The following MRPS25 variants were observed in gnomAD, a reference collection of about 807,000 sequenced individuals.
MRPS25 encodes small ribosomal subunit protein mS25.
Under a neutral mutation model 17.3 loss-of-function variants are expected in MRPS25, and 15 were observed. That is an observed-to-expected ratio of 0.87 (90% confidence interval 0.58 to 1.34). The LOEUF is 1.34. Ranked by LOEUF, MRPS25 falls within the 40% of genes most tolerant of loss-of-function variation. MRPS25 has a pLI of 0.00. For missense variants in MRPS25, 225 were observed against 218.6 expected, an observed-to-expected ratio of 1.03 and a Z score of -0.19; for synonymous variants, 94 against 83.3, an observed-to-expected ratio of 1.13 and a Z score of -0.70.
At chr3:15,062,611 T>C (rs1575073652) in intron 1 of MRPS25, among the ~76,000 whole-genome samples, 1 of 151,642 alleles carries the variant, frequency 6.6e-6, no homozygotes, top group African/African-American at 2.4e-5. Flanking sequence ...ACAATGGCAG[T>C]TTTGTGGAAT....
At chr3:15,059,643 C>T (rs546773050) in intron 1 of MRPS25, among the ~76,000 whole-genome samples, 168 bp from the exon 2 acceptor site, 34 of 152,212 alleles carry the variant, frequency 2.2e-4, no homozygotes, top group Middle Eastern at 3.4e-3. Context: ...CCCTGAATGG[C>T]GTGGGGACCC....
intron 1 of MRPS25, among the ~76,000 whole-genome samples, chr3:15,064,514 G>C (rs997697265): frequency 6.6e-6 from 1 of 152,204 alleles, no homozygotes; most frequent in Non-Finnish European, 1.5e-5. Flanking sequence ...ATGGTGTCTC[G>C]TGGAGCTGCA....
chr3:15,043,516 C>G (rs534155394), downstream of MRPS25: 4 of 152,838 alleles, frequency 2.6e-5, no homozygotes, highest in African/African-American at 9.6e-5. Context: ...TGCCGAAATG[C>G]TAATGATTTC....
chr3:15,056,975 C>T (rs2042680863), intron 2 of MRPS25, among the ~76,000 whole-genome samples: 1 of 152,186 alleles, frequency 6.6e-6, no homozygotes, highest in Admixed American at 6.5e-5. Context: ...TCAGGTATAC[C>T]CCCAGGAGGC....
intron 1 of MRPS25, among the ~76,000 whole-genome samples, chr3:15,060,665 G>A (rs1202694430): frequency 7.9e-5 from 12 of 152,166 alleles, no homozygotes; most frequent in African/African-American, 1.7e-4. Flanking sequence ...GGTGGATCAC[G>A]AGGTCAGGAG....
At position 15,049,710 on chromosome 3, in the gene MRPS25, C is replaced by T; in HGVS notation, c.*2731G>A. ...ACATATTCATTATGTCATCTGACCTCTCATGTTCCAGGTGAAAATTCTGAG... is the reference window on the plus strand; with the variant it reads ...ACATATTCATTATGTCATCTGACCTTTCATGTTCCAGGTGAAAATTCTGAG... On this transcript the variant is annotated 3_prime_UTR_variant, in exon 4 of 4. Transcript: ENST00000253686. 1.7e-6 allele frequency: 1 copy of T among 578,358 alleles called. No individual in the cohort carries two copies. The highest frequency in any genetic ancestry group is 2.2e-5 in the South Asian group (1 of 45,410). 35.8% of individuals were successfully genotyped at this position (578,358 alleles called of 1,614,324 possible). A position where few individuals can be genotyped will look rare whatever the true frequency, so the allele number is the denominator to read the frequency against.
At chr3:15,048,013 T>G (rs189107315), downstream of MRPS25, 280 of 152,692 alleles carry the variant, frequency 1.8e-3, 3 homozygotes, top group Non-Finnish European at 2.2e-3. Context: ...GGCCCAGCAG[T>G]AGTTGCTCAT....
chr3:15,062,670 G>C (rs977848893), intron 1 of MRPS25, among the ~76,000 whole-genome samples: 30 of 152,302 alleles, frequency 2.0e-4, no homozygotes, highest in African/African-American at 5.8e-4. Context: ...GATGGTTGCC[G>C]TGTCTGTGTG....
Position 15,055,984 on chromosome 3 carries a change from C to T in MRPS25, c.242-2517G>A, listed in dbSNP as rs192495617. Among the ~76,000 whole-genome samples the T allele has an allele frequency of 4.4e-3, 666 of 151,250 alleles. 1 individual carries two copies. The highest frequency in any genetic ancestry group is 0.015 in the African/African-American group (636 of 41,218). ...ATCCCAGCACTTTGGGAGGCCGAGGCGGGCGGATCACGAGGTCAGGAGATC... is the reference window on the plus strand; with the variant it reads ...ATCCCAGCACTTTGGGAGGCCGAGGTGGGCGGATCACGAGGTCAGGAGATC... On this transcript the variant is annotated intron_variant, in intron 2 of 3. Coordinates refer to ENST00000253686, the MANE Select transcript of MRPS25 (RefSeq NM_022497.5).
chr3:15,044,936 A>G (rs1351544054), downstream of MRPS25: 1 of 152,270 alleles, frequency 6.6e-6, no homozygotes, highest in Non-Finnish European at 1.5e-5. Context: ...ATATCATTTT[A>G]TAATTCTTGC....
downstream of MRPS25, chr3:15,044,455 T>G (rs1305041679): frequency 6.6e-6 from 1 of 152,182 alleles, no homozygotes; most frequent in Non-Finnish European, 1.5e-5. Context: ...AAGAACAGTA[T>G]GCGCTTAAAA....
chr3:15,055,796 C>G (rs963345661), intron 2 of MRPS25, among the ~76,000 whole-genome samples: 1 of 151,322 alleles, frequency 6.6e-6, no homozygotes, highest in East Asian at 1.9e-4. Context: ...AAAGACACCA[C>G]TAAGAAAATG....
At chr3:15,042,582 T>G (rs1030309542), downstream of MRPS25, 9 of 355,702 alleles carry the variant, frequency 2.5e-5, no homozygotes, top group Admixed American at 4.0e-4. Context: ...CTCTTGGTGG[T>G]GGGGGTGAGG....
At chr3:15,056,203 A>C (rs1054682894) in intron 2 of MRPS25, among the ~76,000 whole-genome samples, 2 of 151,564 alleles carry the variant, frequency 1.3e-5, no homozygotes, top group Non-Finnish European at 2.9e-5. Flanking sequence ...CGACAGAGCG[A>C]GACTCTGTCT....
At chr3:15,058,143 T>G (rs2042697557) in intron 2 of MRPS25, among the ~76,000 whole-genome samples, 1 of 152,082 alleles carries the variant, frequency 6.6e-6, no homozygotes, top group Non-Finnish European at 1.5e-5. Context: ...CCCAAAGTAC[T>G]GGGATTACAG....
At chr3:15,053,950 C>T (rs934158316) in intron 2 of MRPS25, among the ~76,000 whole-genome samples, 3 of 152,182 alleles carry the variant, frequency 2.0e-5, no homozygotes, top group Non-Finnish European at 2.9e-5. Flanking sequence ...ATAATCAAGA[C>T]AGTGTGGTAC....
chr3:15,056,260 G>C (rs2042672180), intron 2 of MRPS25, among the ~76,000 whole-genome samples: 1 of 151,958 alleles, frequency 6.6e-6, no homozygotes, highest in African/African-American at 2.4e-5. Context: ...ATAAATATCT[G>C]AGTGGCCAAT....
Position 15,049,144 on chromosome 3 carries a change from A to ATAGAG in MRPS25, c.*3292_*3296dup, listed in dbSNP as rs1272993587. 6.6e-6 allele frequency: 1 copy of ATAGAG among 152,650 alleles called. No homozygotes were observed. Among genetic ancestry groups the ATAGAG allele is most frequent in the Non-Finnish European group, 1.5e-5 (1 of 68,048 alleles). 9.5% of individuals were successfully genotyped at this position (152,650 alleles called of 1,614,324 possible). On this transcript the variant is annotated 3_prime_UTR_variant, in exon 4 of 4. Coordinates refer to ENST00000253686, the MANE Select transcript of MRPS25 (RefSeq NM_022497.5). ...AGAATTTGCATTGTTGTGTTTGTAT[A>ATAGAG]TAGAGTATTGCAGTGCATGAATTAG...
chr3:15,050,856 C>A lies in MRPS25; in HGVS notation c.*1585G>T. 1.0e-6 allele frequency: 1 copy of A among 985,372 alleles called. No homozygotes were observed. The highest frequency in any genetic ancestry group is 1.7e-5 in the African/African-American group (1 of 57,334). The allele number at this position is 985,372 out of a possible 1,614,324, so 61.0% of individuals were successfully genotyped here. The stretch of plus-strand genomic sequence containing the variant: ...ATCAAATGTAAAAGATCCAAATCTG[C>A]TCAATTTAATGTGATAATCTCCAAC... On this transcript the variant is annotated 3_prime_UTR_variant, in exon 4 of 4. Coordinates refer to ENST00000253686, the MANE Select transcript of MRPS25 (RefSeq NM_022497.5).
Sources: allele counts gnomAD v4.1 joint callset (sites outside exome capture counted in the v4.1 genomes callset), GRCh38; gene constraint gnomAD v4.1.1; transcripts MANE v1.5; gene names NCBI Gene and HGNC (gene_info 2026-07-23, HGNC 2026-07-21).